Variants in PRKG1 observed in about 807,000 individuals in gnomAD.
The protein encoded by PRKG1 is protein kinase cGMP-dependent 1, also known as cGMP-dependent protein kinase 1.
In PRKG1, 35 loss-of-function variants were observed where a neutral mutation model predicts 88.1. The ratio of observed to expected loss-of-function variants is 0.40; its 90% CI spans 0.30 to 0.53. PRKG1 has a LOEUF of 0.53. Ranked by LOEUF, PRKG1 falls within the 20% of genes least tolerant of loss-of-function variation. PRKG1 has a pLI of 0.59. For synonymous variants in PRKG1, 303 were observed against 292.5 expected (o/e 1.04, Z -0.37); for missense variants, 540 against 839.8 (o/e 0.64, Z 4.41).
intron 9 of PRKG1, among the ~76,000 whole-genome samples, chr10:52,232,685 C>A (rs549446673): frequency 6.6e-6 from 1 of 152,108 alleles, no homozygotes. Flanking sequence ...ATGAAGATAC[C>A]GTGTGACTAC....
intron 1 of PRKG1, among the ~76,000 whole-genome samples, chr10:51,021,125 TGAATCGA>T (rs1410980634): frequency 1.3e-5 from 2 of 152,150 alleles, no homozygotes; most frequent in African/African-American, 4.8e-5. Flanking sequence ...TTTAATGTGT[TGAATCGA>T]GACCAGAGTT....
At chr10:51,438,505 T>C (rs548071748) in intron 2 of PRKG1, among the ~76,000 whole-genome samples, 31 of 152,038 alleles carry the variant, frequency 2.0e-4, no homozygotes, top group African/African-American at 6.7e-4. Flanking sequence ...GAAGTACTGG[T>C]TAGATATTTT....
chr10:51,163,461 C>G (rs143766161), intron 2 of PRKG1, among the ~76,000 whole-genome samples: 1 of 152,156 alleles, frequency 6.6e-6, no homozygotes, highest in Admixed American at 6.5e-5. Flanking sequence ...GCATGAGCGA[C>G]GCAGAAGACG....
intron 1 of PRKG1, among the ~76,000 whole-genome samples, chr10:51,028,504 A>T (rs1238202438): frequency 1.3e-5 from 2 of 152,080 alleles, no homozygotes; most frequent in Non-Finnish European, 2.9e-5. Flanking sequence ...TGGCAGTCAG[A>T]TGGGGAAACA....
chr10:51,229,843 C>T (rs1304635512), intron 2 of PRKG1, among the ~76,000 whole-genome samples: 5 of 146,184 alleles, frequency 3.4e-5, no homozygotes, highest in African/African-American at 5.1e-5. Flanking sequence ...TGGAGGATTG[C>T]TGGAGCCCAG....
intron 3 of PRKG1, among the ~76,000 whole-genome samples, chr10:51,509,436 G>A (rs1468536839): frequency 6.6e-6 from 1 of 152,164 alleles, no homozygotes; most frequent in Non-Finnish European, 1.5e-5. Flanking sequence ...ATTAAGCTTT[G>A]TGTCATTAAC....
intron 2 of PRKG1, among the ~76,000 whole-genome samples, chr10:51,416,118 C>A (rs1236272661): frequency 9.2e-5 from 14 of 152,082 alleles, no homozygotes; most frequent in Non-Finnish European, 1.5e-5. Context: ...ATAAAGAAAG[C>A]TTTACACTTG....
chr10:51,104,720 T>G (rs1844782940), intron 1 of PRKG1, among the ~76,000 whole-genome samples: 1 of 148,614 alleles, frequency 6.7e-6, no homozygotes, highest in Admixed American at 6.7e-5. Context: ...ATTTATTTAT[T>G]TATTTATTTA....
At chr10:52,102,694 A>T (rs1035214449) in intron 7 of PRKG1, among the ~76,000 whole-genome samples, 5 of 121,416 alleles carry the variant, frequency 4.1e-5, no homozygotes, top group African/African-American at 1.4e-4. Flanking sequence ...TTAACAGAAG[A>T]TGACTTGATG....
intron 7 of PRKG1, among the ~76,000 whole-genome samples, chr10:52,119,989 G>C (rs1204242303): frequency 6.8e-6 from 1 of 146,194 alleles, no homozygotes; most frequent in Non-Finnish European, 1.5e-5. Flanking sequence ...GGGAAAGTGA[G>C]ACAGAGAGAG....
chr10:51,707,649 C>G (rs1841643837), intron 3 of PRKG1, among the ~76,000 whole-genome samples: 1 of 151,772 alleles, frequency 6.6e-6, no homozygotes, highest in Non-Finnish European at 1.5e-5. Flanking sequence ...AATGTGTAAA[C>G]TGCCACTCAC....
At chr10:52,220,569 A>G (rs542169312) in intron 9 of PRKG1, among the ~76,000 whole-genome samples, 1 of 151,448 alleles carries the variant, frequency 6.6e-6, no homozygotes, top group South Asian at 2.1e-4. Context: ...CCCTCTCCCT[A>G]CCCTCCACCC....
At chr10:51,884,991 A>G (rs1437822763) in intron 4 of PRKG1, among the ~76,000 whole-genome samples, 1 of 152,168 alleles carries the variant, frequency 6.6e-6, no homozygotes, top group Non-Finnish European at 1.5e-5. Context: ...TCCTGACACT[A>G]TTCTCAGTGC....
intron 4 of PRKG1, among the ~76,000 whole-genome samples, chr10:51,872,899 T>C (rs2132860924): frequency 6.6e-6 from 1 of 152,198 alleles, no homozygotes; most frequent in East Asian, 1.9e-4. Context: ...GTTCTATGAT[T>C]ATTCATTGAT....
At chr10:52,210,342 C>T (rs916186344) in intron 9 of PRKG1, among the ~76,000 whole-genome samples, 1 of 151,760 alleles carries the variant, frequency 6.6e-6, no homozygotes, top group Non-Finnish European at 1.5e-5. Flanking sequence ...GCACTCCAAC[C>T]TCTCCAGGAC....
chr10:52,118,726 T>G (rs1338285639), intron 7 of PRKG1, among the ~76,000 whole-genome samples: 1 of 152,058 alleles, frequency 6.6e-6, no homozygotes, highest in Non-Finnish European at 1.5e-5. Context: ...TGCTTTTGAG[T>G]CACAGTTAAT....
intron 2 of PRKG1, among the ~76,000 whole-genome samples, chr10:51,374,701 G>C (rs1293286518): frequency 6.6e-6 from 1 of 152,098 alleles, no homozygotes; most frequent in East Asian, 1.9e-4. Flanking sequence ...ACCCAATGCT[G>C]CTTTGATGTT....
chr10:52,076,274 G>C (rs1203452523), intron 7 of PRKG1, among the ~76,000 whole-genome samples: 1 of 152,150 alleles, frequency 6.6e-6, no homozygotes, highest in Admixed American at 6.5e-5. Flanking sequence ...GGAAAAAAAG[G>C]GGCCGGGCCC....
At chr10:51,167,717 A>G (rs1400726333) in intron 2 of PRKG1, among the ~76,000 whole-genome samples, 1 of 152,156 alleles carries the variant, frequency 6.6e-6, no homozygotes, top group African/African-American at 2.4e-5. Context: ...GTGTGAGAGA[A>G]AGATAAATTA....
Sources: allele counts gnomAD v4.1 joint callset (sites outside exome capture counted in the v4.1 genomes callset), GRCh38; gene constraint gnomAD v4.1.1; transcripts MANE v1.5; gene names NCBI Gene and HGNC (gene_info 2026-07-23, HGNC 2026-07-21).